Variants in CDK8 observed in about 807,000 individuals in gnomAD.
CDK8 encodes the protein cyclin-dependent kinase 8.
In CDK8, 29 loss-of-function variants were observed where a neutral mutation model predicts 71.5. The ratio of observed to expected loss-of-function variants is 0.41; its 90% CI spans 0.30 to 0.55. CDK8 has a LOEUF of 0.55. Ranked by LOEUF, CDK8 falls within the 20% of genes least tolerant of loss-of-function variation. CDK8 has a pLI of 0.37. For synonymous variants in CDK8, 161 were observed against 192.1 expected, an observed-to-expected ratio of 0.84 and a Z score of 1.34; for missense variants, 288 against 572.6, an observed-to-expected ratio of 0.50 and a Z score of 5.07.
rs201138767 is a variant in CDK8, at chr13:26,254,599, C to T, written c.-43C>T. 3 of 1,498,766 alleles carry T rather than the reference C, an allele frequency of 2.0e-6. No homozygotes were observed. The highest frequency in any genetic ancestry group is 2.4e-5 in the East Asian group (1 of 41,552). 92.8% of individuals were successfully genotyped at this position (1,498,766 alleles called of 1,614,324 possible). A position where few individuals can be genotyped will look rare whatever the true frequency, so the allele number is the denominator to read the frequency against. ...GCTTCCCCGGTCCCCACCCCTGCCCCCCGGCCCCCCGACCCAGCTCTCCGG... is the reference window on the plus strand; with the variant it reads ...GCTTCCCCGGTCCCCACCCCTGCCCTCCGGCCCCCCGACCCAGCTCTCCGG... On this transcript the variant is annotated 5_prime_UTR_variant, in exon 1 of 13. Coordinates refer to ENST00000381527, the MANE Select transcript of CDK8 (RefSeq NM_001260.3). The surrounding 1 kb of genome is among the most constrained non-coding windows in gnomAD (Gnocchi z 6.7).
At chr13:26,327,944 A>G (rs1208750483) in intron 1 of CDK8, among the ~76,000 whole-genome samples, 1 of 151,230 alleles carries the variant, frequency 6.6e-6, no homozygotes, top group Non-Finnish European at 1.5e-5. Flanking sequence ...AGGCCCAAGA[A>G]CATATATTTA....
intron 2 of CDK8, among the ~76,000 whole-genome samples, chr13:26,340,747 G>A (rs1873205457): frequency 6.6e-6 from 1 of 152,054 alleles, no homozygotes; most frequent in Non-Finnish European, 1.5e-5. Context: ...TTATCTGTGT[G>A]CCTGGTTACT....
chr13:26,266,743 A>G (rs1455703866), intron 1 of CDK8, among the ~76,000 whole-genome samples: 4 of 152,228 alleles, frequency 2.6e-5, no homozygotes, highest in Non-Finnish European at 5.9e-5. Context: ...GAGCAAAGCA[A>G]TGAAAAGCAT....
At chr13:26,385,173 C>G (rs2138049760) in intron 5 of CDK8, 38 bp from the exon 6 acceptor site, 1 of 1,537,060 alleles carries the variant, frequency 6.5e-7, no homozygotes, top group Non-Finnish European at 8.8e-7. Flanking sequence ...TTGTAAAAAT[C>G]ATTTACTTAG....
intron 1 of CDK8, among the ~76,000 whole-genome samples, chr13:26,268,750 T>C (rs117355721): frequency 1.1e-4 from 16 of 152,314 alleles, no homozygotes; most frequent in Non-Finnish European, 2.2e-4. Context: ...TCATCAGATT[T>C]CTCTATTCCA....
chr13:26,395,581 T>C (rs1400448485), intron 7 of CDK8, among the ~76,000 whole-genome samples: 6 of 151,946 alleles, frequency 3.9e-5, no homozygotes, highest in Admixed American at 2.6e-4. Context: ...TTGGCAGATA[T>C]TGGAGAGAAC....
chr13:26,323,066 C>T (rs1175706), intron 1 of CDK8, among the ~76,000 whole-genome samples: 126,189 of 152,072 alleles, frequency 0.83, 54,025 homozygotes, highest in East Asian at 0.99. Context: ...CGATGCATGG[C>T]ATATTGTCAT....
At chr13:26,358,541 G>A (rs1356309239) in intron 4 of CDK8, among the ~76,000 whole-genome samples, 1 of 152,130 alleles carries the variant, frequency 6.6e-6, no homozygotes, top group Non-Finnish European at 1.5e-5. Context: ...ACCGTTGTCA[G>A]GAATGTAAAA....
intron 6 of CDK8, among the ~76,000 whole-genome samples, chr13:26,392,899 C>T (rs1875817520): frequency 1.3e-5 from 2 of 152,110 alleles, no homozygotes; most frequent in Non-Finnish European, 2.9e-5. Flanking sequence ...AATATTTTAT[C>T]ACAAAAATTT....
At chr13:26,377,040 C>T (rs1388467595) in intron 4 of CDK8, among the ~76,000 whole-genome samples, 1 of 152,148 alleles carries the variant, frequency 6.6e-6, no homozygotes, top group African/African-American at 2.4e-5. Flanking sequence ...TGAAGTTAGT[C>T]CTTGTTTTAT....
chr13:26,346,213 C>A (rs1873455872), intron 2 of CDK8, among the ~76,000 whole-genome samples: 1 of 152,166 alleles, frequency 6.6e-6, no homozygotes, highest in Admixed American at 6.6e-5. Flanking sequence ...ATAAATATTT[C>A]ATGGGGCTAA....
At chr13:26,329,890 C>T (rs2137961484) in intron 1 of CDK8, among the ~76,000 whole-genome samples, 1 of 152,284 alleles carries the variant, frequency 6.6e-6, no homozygotes, top group South Asian at 2.1e-4. Flanking sequence ...AAACTACTTG[C>T]TGCTAGTCTT....
At chr13:26,331,403 A>G (rs1039651113) in intron 1 of CDK8, among the ~76,000 whole-genome samples, 3 of 152,072 alleles carry the variant, frequency 2.0e-5, no homozygotes, top group South Asian at 2.1e-4. Context: ...CTGTCTCTTC[A>G]CTATGTTATT....
At chr13:26,319,393 C>G (rs1009010290) in intron 1 of CDK8, among the ~76,000 whole-genome samples, 2 of 151,522 alleles carry the variant, frequency 1.3e-5, no homozygotes, top group Non-Finnish European at 2.9e-5. Context: ...TGCTTGAACT[C>G]GGGAGGCGGA....
At chr13:26,321,724 T>A (rs961643138) in intron 1 of CDK8, among the ~76,000 whole-genome samples, 1 of 152,106 alleles carries the variant, frequency 6.6e-6, no homozygotes, top group African/African-American at 2.4e-5. Context: ...AATTATCTCA[T>A]CTTCCTCTTT....
At chr13:26,368,649 A>G (rs1874508969) in intron 4 of CDK8, among the ~76,000 whole-genome samples, 1 of 152,238 alleles carries the variant, frequency 6.6e-6, no homozygotes, top group Non-Finnish European at 1.5e-5. Flanking sequence ...TCACTAATAC[A>G]GTGGCAAATA....
chr13:26,339,286 G>A (rs183421669), intron 2 of CDK8, among the ~76,000 whole-genome samples: 16 of 151,834 alleles, frequency 1.1e-4, no homozygotes, highest in Non-Finnish European at 1.5e-4. Flanking sequence ...ATTAATTTTT[G>A]TTTGTGGTAT....
intron 1 of CDK8, among the ~76,000 whole-genome samples, chr13:26,259,400 C>T (rs1477813031): frequency 6.6e-6 from 1 of 152,058 alleles, no homozygotes; most frequent in Non-Finnish European, 1.5e-5. Flanking sequence ...GTTTACATAG[C>T]ATTTACATTT....
intron 1 of CDK8, among the ~76,000 whole-genome samples, chr13:26,318,891 A>G (rs1433041679): frequency 6.6e-6 from 1 of 152,238 alleles, no homozygotes. Context: ...CTTTTCCTCT[A>G]GTACCAGGAA....
Sources: allele counts gnomAD v4.1 joint callset (sites outside exome capture counted in the v4.1 genomes callset), GRCh38; gene constraint gnomAD v4.1.1; non-coding constraint Gnocchi (gnomAD v3.1); transcripts MANE v1.5; gene names NCBI Gene and HGNC (gene_info 2026-07-23, HGNC 2026-07-21).